The following SCN11A variants were observed in gnomAD, a reference collection of about 807,000 sequenced individuals.
SCN11A encodes sodium voltage-gated channel alpha subunit 11.
Under a neutral mutation model 162.2 loss-of-function variants are expected in SCN11A, and 122 were observed. That is an observed-to-expected ratio of 0.75 (90% CI 0.65 to 0.87). The LOEUF (loss-of-function observed/expected upper bound fraction) is 0.87. SCN11A is among the 40% of genes least tolerant of loss of function. The pLI is 0.00. For missense variants in SCN11A, 2,015 were observed against 2,181.6 expected (o/e 0.92, Z 1.52); for synonymous variants, 758 against 751.5 (o/e 1.01, Z -0.14).
chr3:38,904,338 T>A (rs2065756619), intron 15 of SCN11A, among the ~76,000 whole-genome samples: 1 of 152,188 alleles, frequency 6.6e-6, no homozygotes, highest in Non-Finnish European at 1.5e-5. Context: ...ATTTACACTC[T>A]TACTGAGCAT....
At chr3:38,907,429 C>A (rs1191027636) in intron 14 of SCN11A, among the ~76,000 whole-genome samples, 2 of 150,700 alleles carry the variant, frequency 1.3e-5, no homozygotes, top group South Asian at 2.1e-4. Context: ...CTCCAACTAC[C>A]TGGCTTCAGT....
At chr3:38,965,992 A>T (rs548780703) in intron 2 of SCN11A, among the ~76,000 whole-genome samples, 15 of 144,128 alleles carry the variant, frequency 1.0e-4, no homozygotes, top group East Asian at 7.8e-4. Flanking sequence ...AAAAAAAATT[A>T]AAAAAAAAAG....
chr3:38,909,518 T>C (rs1261570730), intron 12 of SCN11A, among the ~76,000 whole-genome samples: 1 of 151,984 alleles, frequency 6.6e-6, no homozygotes, highest in East Asian at 1.9e-4. Flanking sequence ...CTAACATTTC[T>C]AGGAAGAGGA....
In SCN11A at chr3:38,850,616, G is replaced by A; in HGVS notation, c.4192C>T (p.Leu1398Phe). 6.2e-7 allele frequency: 1 copy of A among 1,613,994 alleles called. No homozygotes were observed. Among genetic ancestry groups the A allele is most frequent in the African/African-American group, 1.3e-5 (1 of 75,028 alleles). ...YNQPKAMKSI[L>F]DHLNWVFVVI... ...ACAAAGACCCAGTTGAGATGGTCAAGGATGGATTTCATGGCTTTGGGTTGG... is the reference window on the plus strand; with the variant it reads ...ACAAAGACCCAGTTGAGATGGTCAAAGATGGATTTCATGGCTTTGGGTTGG... Residue 1398 changes from leucine to phenylalanine, a missense_variant, in exon 29 of 30, where the codon CTT becomes TTT. Physicochemically the swap from Leu to Phe is conservative, Grantham distance 22. Transcript: ENST00000302328.
At chr3:38,957,063 T>A (rs2125581767) in intron 3 of SCN11A, among the ~76,000 whole-genome samples, 1 of 152,242 alleles carries the variant, frequency 6.6e-6, no homozygotes, top group South Asian at 2.1e-4. Flanking sequence ...TCAAACTGTA[T>A]AAATCAAGAA....
intron 2 of SCN11A, among the ~76,000 whole-genome samples, chr3:38,979,673 T>G (rs1389706482): frequency 9.9e-5 from 15 of 152,224 alleles, no homozygotes; most frequent in Non-Finnish European, 2.2e-4. Flanking sequence ...GTCTGCATAG[T>G]GTTTCTCCAA....
intron 7 of SCN11A, among the ~76,000 whole-genome samples, chr3:38,935,956 T>G (rs767780003): frequency 2.0e-5 from 3 of 152,234 alleles, no homozygotes; most frequent in Admixed American, 6.5e-5. Flanking sequence ...TGAACTTGGA[T>G]GCAAAAATCC....
chr3:39,000,352 A>G (rs1034758707), intron 2 of SCN11A, among the ~76,000 whole-genome samples: 1 of 152,164 alleles, frequency 6.6e-6, no homozygotes, highest in African/African-American at 2.4e-5. Flanking sequence ...TCCTCAAGGT[A>G]TGCATGATGA....
At chr3:38,926,699 G>A (rs1365670800) in intron 8 of SCN11A, 104 bp downstream of exon 8, 28 of 1,174,590 alleles carry the variant, frequency 2.4e-5, no homozygotes, top group South Asian at 6.0e-5. Flanking sequence ...GGCATTACTA[G>A]GCCATACTCA....
At chr3:39,023,144 C>T (rs960567808) in intron 2 of SCN11A, among the ~76,000 whole-genome samples, 2 of 152,072 alleles carry the variant, frequency 1.3e-5, no homozygotes, top group South Asian at 2.1e-4. Context: ...ATGATTTCTG[C>T]GATTTGCTTC....
At chr3:38,947,165 T>C (rs2066530993) in intron 5 of SCN11A, among the ~76,000 whole-genome samples, 1 of 152,198 alleles carries the variant, frequency 6.6e-6, no homozygotes, top group African/African-American at 2.4e-5. Flanking sequence ...ATGGTACGTA[T>C]CAACGGGGAA....
intron 2 of SCN11A, among the ~76,000 whole-genome samples, chr3:38,994,074 C>T (rs2030535740): frequency 6.6e-6 from 1 of 152,202 alleles, no homozygotes; most frequent in African/African-American, 2.4e-5. Context: ...CTGTCCTCAA[C>T]TGGTCTTCCT....
intron 29 of SCN11A, 54 bp from the exon 30 acceptor site, chr3:38,847,796 T>C (rs1575202134): frequency 8.8e-7 from 1 of 1,136,624 alleles, no homozygotes. Flanking sequence ...TGGTTTCAGA[T>C]CCAGCCTGTC....
chr3:38,929,130 T>TGCGTGC (rs1442107589), intron 7 of SCN11A, among the ~76,000 whole-genome samples: 94 of 145,242 alleles, frequency 6.5e-4, no homozygotes, highest in Middle Eastern at 7.1e-3. Flanking sequence ...ACTGGGTCTG[T>TGCGTGC]GCACGCACAC....
chr3:38,927,320 C>G (rs956748754), intron 7 of SCN11A, among the ~76,000 whole-genome samples: 3 of 152,110 alleles, frequency 2.0e-5, no homozygotes, highest in African/African-American at 7.2e-5. Context: ...AAGCAAATAG[C>G]TGAATTTTTT....
chr3:39,002,152 CCA>C (rs2125598903), intron 2 of SCN11A, among the ~76,000 whole-genome samples: 1 of 152,268 alleles, frequency 6.6e-6, no homozygotes, highest in Non-Finnish European at 1.5e-5. Flanking sequence ...CAATTCTATT[CCA>C]TTCAGCTATA....
chr3:39,048,801 C>T (rs1335764693), intron 1 of SCN11A, among the ~76,000 whole-genome samples: 1 of 152,182 alleles, frequency 6.6e-6, no homozygotes, highest in Admixed American at 6.5e-5. Context: ...TTTTCTTCTT[C>T]GGGATGCTCA....
At chr3:38,932,680 C>T (rs1025439950) in intron 7 of SCN11A, among the ~76,000 whole-genome samples, 1 of 152,242 alleles carries the variant, frequency 6.6e-6, no homozygotes, top group Non-Finnish European at 1.5e-5. Flanking sequence ...GGGGCACCCA[C>T]CATTGCCCAG....
At chr3:38,855,280 C>T (rs1330693454) in intron 28 of SCN11A, among the ~76,000 whole-genome samples, 1 of 152,160 alleles carries the variant, frequency 6.6e-6, no homozygotes, top group East Asian at 1.9e-4. Context: ...ATCTATACTG[C>T]ACAGCAGAGG....
Sources: gnomAD v4.1 joint callset for allele counts (sites outside exome capture counted in the v4.1 genomes callset) on GRCh38, gnomAD v4.1.1 for gene constraint, MANE v1.5 for transcripts, NCBI Gene and HGNC (gene_info 2026-07-23, HGNC 2026-07-21) for gene names.